The following RNU5E-1 variants were observed in gnomAD, a reference collection of about 807,000 sequenced individuals.
RNU5E-1 encodes RNA, U5E small nuclear.
exon 1 of RNU5E-1, chr1:11,908,160 G>T (rs147625257): frequency 2.6e-5 from 4 of 152,196 alleles, no homozygotes; most frequent in African/African-American, 7.2e-5. Context: ...TTATACTCTG[G>T]TTTCTCTTCA....
At chr1:11,908,178 T>G (rs77101937) in exon 1 of RNU5E-1, 4 of 152,162 alleles carry the variant, frequency 2.6e-5, no homozygotes, top group Admixed American at 2.0e-4. Flanking sequence ...TCAAATCGTA[T>G]AAATCTTTCG....
chr1:11,908,221 A>C (rs537441512), exon 1 of RNU5E-1: 2 of 152,028 alleles, frequency 1.3e-5, no homozygotes, highest in African/African-American at 4.8e-5. Flanking sequence ...GAGAGAAACG[A>C]GTGTGAGTCT....
Position 11,908,163 on chromosome 1 carries a change from T to TA in RNU5E-1, n.12_13insA, listed in dbSNP as rs1171010396. 24 of 152,330 alleles carry TA rather than the reference T, an allele frequency of 1.6e-4. No individual in the cohort carries two copies. In the East Asian group the frequency reaches 2.5e-3, roughly 16 times the overall value. 9.4% of individuals were successfully genotyped at this position (152,330 alleles called of 1,614,324 possible). A position where few individuals can be genotyped will look rare whatever the true frequency, so the allele number is the denominator to read the frequency against. Reference sequence around the variant, plus strand: ...CGACGACTGATGTTATACTCTGGTTTCTCTTCAAATCGTATAAATCTTTCG... The same window carrying TA: ...CGACGACTGATGTTATACTCTGGTTTACTCTTCAAATCGTATAAATCTTTCG... On this transcript the variant is annotated non_coding_transcript_exon_variant, in exon 1 of 1. Transcript: ENST00000362477.
chr1:11,908,232 G>C (rs114913880), exon 1 of RNU5E-1: 4 of 148,758 alleles, frequency 2.7e-5, no homozygotes, highest in East Asian at 2.0e-4. Flanking sequence ...GTGTGAGTCT[G>C]AAACCAATTT....
chr1:11,908,250 C>T (rs570156111), exon 1 of RNU5E-1: 52 of 135,702 alleles, frequency 3.8e-4, no homozygotes, highest in South Asian at 1.0e-3. Context: ...TTTTTTGAGG[C>T]CTTGCGTTTC....
At chr1:11,908,245 T>C (rs919168123) in exon 1 of RNU5E-1, 11 of 138,930 alleles carry the variant, frequency 7.9e-5, no homozygotes, top group Admixed American at 2.2e-4. Context: ...ACCAATTTTT[T>C]GAGGCCTTGC....
At chr1:11,908,171 A>T (rs181911033) in exon 1 of RNU5E-1, 1 of 152,126 alleles carries the variant, frequency 6.6e-6, no homozygotes, top group African/African-American at 2.4e-5. Context: ...TTTCTCTTCA[A>T]ATCGTATAAA....
At chr1:11,908,199 A>G (rs914938734) in exon 1 of RNU5E-1, 11 of 152,188 alleles carry the variant, frequency 7.2e-5, no homozygotes, top group African/African-American at 2.2e-4. Context: ...CCTTTTACTA[A>G]AGATTTCCGT....
chr1:11,908,250 C>G (rs570156111), exon 1 of RNU5E-1: 2 of 135,702 alleles, frequency 1.5e-5, no homozygotes, highest in East Asian at 2.5e-4. Flanking sequence ...TTTTTTGAGG[C>G]CTTGCGTTTC....
chr1:11,908,243 T>C (rs548037540), exon 1 of RNU5E-1: 1 of 139,394 alleles, frequency 7.2e-6, no homozygotes, highest in Admixed American at 7.2e-5. Context: ...AAACCAATTT[T>C]TTGAGGCCTT....
At chr1:11,908,166 C>A (rs181477068) in exon 1 of RNU5E-1, 4 of 152,152 alleles carry the variant, frequency 2.6e-5, no homozygotes, top group Non-Finnish European at 5.9e-5. Context: ...TCTGGTTTCT[C>A]TTCAAATCGT....
chr1:11,908,235 A>G (rs80049189), exon 1 of RNU5E-1: 21 of 147,188 alleles, frequency 1.4e-4, no homozygotes, highest in East Asian at 4.1e-4. Context: ...TGAGTCTGAA[A>G]CCAATTTTTT....
At chr1:11,908,242 T>A (rs1259314107) in exon 1 of RNU5E-1, 2 of 139,398 alleles carry the variant, frequency 1.4e-5, no homozygotes, top group South Asian at 2.5e-4. Flanking sequence ...GAAACCAATT[T>A]TTTGAGGCCT....
exon 1 of RNU5E-1, chr1:11,908,167 T>G (rs1463670800): frequency 1.3e-5 from 2 of 152,204 alleles, no homozygotes; most frequent in Non-Finnish European, 2.9e-5. Context: ...CTGGTTTCTC[T>G]TCAAATCGTA....
Position 11,908,265 on chromosome 1 carries a change from C to T in RNU5E-1, n.114C>T, listed in dbSNP as rs574998002. On this transcript the variant is annotated non_coding_transcript_exon_variant, in exon 1 of 1. Coordinates refer to ENST00000362477, the Ensembl canonical transcript of RNU5E-1. Reference sequence around the variant, plus strand: ...TTTTTTGAGGCCTTGCGTTTCTTAGCAGGGCTTATTTTAAGTGTTTTAAAA... The same window carrying T: ...TTTTTTGAGGCCTTGCGTTTCTTAGTAGGGCTTATTTTAAGTGTTTTAAAA... 35 of 152,106 alleles carry T rather than the reference C, an allele frequency of 2.3e-4. No homozygotes were observed. The Middle Eastern group carries it at 0.01, about 45-fold the overall frequency. 9.4% of individuals were successfully genotyped at this position (152,106 alleles called of 1,614,324 possible).
At chr1:11,908,189 C>G (rs576452101) in exon 1 of RNU5E-1, 18 of 152,144 alleles carry the variant, frequency 1.2e-4, no homozygotes, top group Non-Finnish European at 1.0e-4. Context: ...AAATCTTTCG[C>G]CTTTTACTAA....
rs138224242 is a variant in RNU5E-1, at chr1:11,908,175, G to C, written n.24G>C. 13 of 152,210 alleles carry C rather than the reference G, an allele frequency of 8.5e-5. No individual in the cohort carries two copies. In the East Asian group the frequency reaches 1.5e-3, roughly 18 times the overall value. 9.4% of individuals were successfully genotyped at this position (152,210 alleles called of 1,614,324 possible). A position where few individuals can be genotyped will look rare whatever the true frequency, so the allele number is the denominator to read the frequency against. On this transcript the variant is annotated non_coding_transcript_exon_variant, in exon 1 of 1. Transcript: ENST00000362477. ...TTATACTCTGGTTTCTCTTCAAATC[G>C]TATAAATCTTTCGCCTTTTACTAAA...
At chr1:11,908,246 GAGGCCTTGCGTTTCTT>G (rs1645395088) in exon 1 of RNU5E-1, 1 of 137,700 alleles carries the variant, frequency 7.3e-6, no homozygotes, top group African/African-American at 2.5e-5. Context: ...CCAATTTTTT[GAGGCCTTGCGTTTCTT>G]AGCAGGGCTT....
chr1:11,908,257 T>G (rs865905168), exon 1 of RNU5E-1: 1 of 135,662 alleles, frequency 7.4e-6, no homozygotes, highest in Non-Finnish European at 1.7e-5. Context: ...AGGCCTTGCG[T>G]TTCTTAGCAG....
Sources: gnomAD v4.1 joint callset for allele counts on GRCh38, gnomAD v4.1.1 for gene constraint, MANE v1.5 for transcripts, NCBI Gene and HGNC (gene_info 2026-07-23, HGNC 2026-07-21) for gene names.